RGS6: variants seen among roughly 807,000 people sequenced by gnomAD.
RGS6 encodes the protein regulator of G protein signaling 6, also known as regulator of G-protein signaling 6.
RGS6 carries 30 observed loss-of-function variants against 78.5 expected under a neutral mutation model. That is an observed-to-expected ratio of 0.38 (90% CI 0.29 to 0.52). The LOEUF (loss-of-function observed/expected upper bound fraction) is 0.52. RGS6 is among the 20% of genes least tolerant of loss of function. The probability of loss-of-function intolerance (pLI) is 0.85; values close to 1 mark genes in which losing one functional copy is unlikely to be tolerated. For missense variants in RGS6, 495 were observed against 609.7 expected (o/e 0.81, Z 1.98); for synonymous variants, 206 against 206.0 (o/e 1.00, Z 0.00).
chr14:72,551,692 G>A (rs2097509088), intron 17 of RGS6, among the ~76,000 whole-genome samples: 1 of 152,198 alleles, frequency 6.6e-6, no homozygotes, highest in South Asian at 2.1e-4. Flanking sequence ...TCACTTGCAT[G>A]TCTGACAGGT....
intron 2 of RGS6, among the ~76,000 whole-genome samples, chr14:72,137,379 A>T (rs966053736): frequency 2.0e-5 from 3 of 152,192 alleles, no homozygotes; most frequent in Non-Finnish European, 4.4e-5. Flanking sequence ...ATCCCACTGG[A>T]TGTCCTATAG....
At chr14:72,396,464 G>T (rs999180960) in intron 3 of RGS6, among the ~76,000 whole-genome samples, 1 of 152,020 alleles carries the variant, frequency 6.6e-6, no homozygotes, top group Non-Finnish European at 1.5e-5. Flanking sequence ...AGATGAGTAG[G>T]TTGCAAAAAT....
At chr14:72,005,299 T>C (rs2064341691) in intron 2 of RGS6, among the ~76,000 whole-genome samples, 1 of 152,232 alleles carries the variant, frequency 6.6e-6, no homozygotes, top group Admixed American at 6.5e-5. Flanking sequence ...GTGAATTTTA[T>C]TGTCTAACTC....
chr14:71,886,072 A>C, the RGS6 span, among the ~76,000 whole-genome samples: 2 of 151,930 alleles, frequency 1.3e-5, no homozygotes, highest in Admixed American at 1.3e-4. Context: ...CCCAAATCTG[A>C]ATAAGGGAAA....
At chr14:71,877,983 A>G in the RGS6 span, among the ~76,000 whole-genome samples, 3 of 152,314 alleles carry the variant, frequency 2.0e-5, no homozygotes, top group East Asian at 5.8e-4. Flanking sequence ...TCACCAGCAG[A>G]GGCAGCAGAA....
At chr14:72,623,755 C>G in the RGS6 span, among the ~76,000 whole-genome samples, 1 of 152,190 alleles carries the variant, frequency 6.6e-6, no homozygotes, top group African/African-American at 2.4e-5. Flanking sequence ...TTTTCTACCT[C>G]TGTCCACAGA....
chr14:72,102,449 G>T (rs932520041), intron 2 of RGS6, among the ~76,000 whole-genome samples: 1 of 152,076 alleles, frequency 6.6e-6, no homozygotes, highest in African/African-American at 2.4e-5. Flanking sequence ...AAGCTGGAGG[G>T]TTTTTTTGTG....
the RGS6 span, among the ~76,000 whole-genome samples, chr14:72,585,324 G>C: frequency 6.6e-6 from 1 of 152,182 alleles, no homozygotes; most frequent in Non-Finnish European, 1.5e-5. Context: ...CTCAAGCCAG[G>C]AGGATAGACA....
At chr14:72,278,531 T>A (rs913092518) in intron 2 of RGS6, among the ~76,000 whole-genome samples, 1 of 152,220 alleles carries the variant, frequency 6.6e-6, no homozygotes, top group Non-Finnish European at 1.5e-5. Context: ...ATATGTTGCA[T>A]GATTTGATGC....
chr14:72,192,869 A>T (rs1416444206), intron 2 of RGS6, among the ~76,000 whole-genome samples: 1 of 152,162 alleles, frequency 6.6e-6, no homozygotes, highest in African/African-American at 2.4e-5. Context: ...GTCTCCTCAT[A>T]GACCTGTTCA....
At chr14:72,299,410 T>A (rs1375807970) in intron 2 of RGS6, among the ~76,000 whole-genome samples, 1 of 152,234 alleles carries the variant, frequency 6.6e-6, no homozygotes, top group Non-Finnish European at 1.5e-5. Context: ...TAGAATAATG[T>A]TTTTAAGGTT....
At chr14:72,435,772 C>T (rs976133220) in intron 3 of RGS6, among the ~76,000 whole-genome samples, 1 of 148,036 alleles carries the variant, frequency 6.8e-6, no homozygotes, top group Non-Finnish European at 1.5e-5. Context: ...CCCGCCCCTG[C>T]TGTGTTATCA....
the RGS6 span, among the ~76,000 whole-genome samples, chr14:72,585,226 A>G: frequency 6.6e-6 from 1 of 152,152 alleles, no homozygotes; most frequent in African/African-American, 2.4e-5. Context: ...TCTAAAGTTG[A>G]ACTCACAATC....
intron 2 of RGS6, among the ~76,000 whole-genome samples, chr14:72,247,905 T>G (rs1040611487): frequency 6.6e-6 from 1 of 152,184 alleles, no homozygotes; most frequent in Non-Finnish European, 1.5e-5. Flanking sequence ...CCTCCAGAAC[T>G]ATAAGAAATA....
chr14:72,357,427 T>C (rs1314914274), intron 3 of RGS6, among the ~76,000 whole-genome samples: 2 of 152,186 alleles, frequency 1.3e-5, no homozygotes, highest in Non-Finnish European at 2.9e-5. Context: ...TGGGAAAGTT[T>C]AGAACTTCCT....
rs144179877 is a variant in RGS6, at chr14:72,484,547, C to T, written c.854+6218C>T. Among the ~76,000 whole-genome samples, 743 of 152,042 alleles carry T rather than the reference C, an allele frequency of 4.9e-3. 1 individual carries two copies. The highest frequency in any genetic ancestry group is 8.8e-3 in the Non-Finnish European group (596 of 67,964). Reference sequence around the variant, plus strand: ...TGTGTGGTTTTTTTTTGGTGGGGGGCGGTCACATCTATACAATTTGTAGCA... The same window carrying T: ...TGTGTGGTTTTTTTTTGGTGGGGGGTGGTCACATCTATACAATTTGTAGCA... On this transcript the variant is annotated intron_variant, in intron 12 of 17. Coordinates refer to ENST00000553525, the MANE Select transcript of RGS6 (RefSeq NM_001204424.2).
At chr14:72,593,321 G>A in the RGS6 span, among the ~76,000 whole-genome samples, 6 of 152,180 alleles carry the variant, frequency 3.9e-5, no homozygotes, top group South Asian at 4.1e-4. Flanking sequence ...CTGATCATAC[G>A]ATAGCAAGAA....
chr14:71,976,203 C>T (rs189874148), intron 2 of RGS6, among the ~76,000 whole-genome samples: 26 of 150,340 alleles, frequency 1.7e-4, no homozygotes, highest in African/African-American at 6.3e-4. Flanking sequence ...TTTCTACTAA[C>T]CTTTTCTTTC....
chr14:72,293,369 T>A (rs1375922997), intron 2 of RGS6, among the ~76,000 whole-genome samples: 1 of 152,192 alleles, frequency 6.6e-6, no homozygotes, highest in Non-Finnish European at 1.5e-5. Context: ...GCAAAAAATG[T>A]AGAACAATTC....
Sources: allele counts gnomAD v4.1 joint callset (sites outside exome capture counted in the v4.1 genomes callset), GRCh38; gene constraint gnomAD v4.1.1; transcripts MANE v1.5; gene names NCBI Gene and HGNC (gene_info 2026-07-23, HGNC 2026-07-21).